RAD50: variants seen among roughly 807,000 people sequenced by gnomAD.
The protein encoded by RAD50 is DNA repair protein RAD50.
Under a neutral mutation model 168.8 loss-of-function variants are expected in RAD50, and 132 were observed. The ratio of observed to expected loss-of-function variants is 0.78; its 90% CI spans 0.68 to 0.90. The LOEUF is 0.90. RAD50 is among the 40% of genes least tolerant of loss of function. The pLI, the probability that RAD50 is intolerant of heterozygous loss-of-function variation, is 0.00. For missense variants in RAD50, 1,347 were observed against 1,534.4 expected (o/e 0.88, Z 2.04); for synonymous variants, 525 against 497.4 (o/e 1.06, Z -0.74).
intron 21 of RAD50, among the ~76,000 whole-genome samples, chr5:132,633,336 C>T (rs1413482284): frequency 6.6e-6 from 1 of 151,870 alleles, no homozygotes; most frequent in Non-Finnish European, 1.5e-5. Flanking sequence ...AACTCCTGAC[C>T]TCAAGTGATC....
chr5:132,578,896 T>C (rs1488662710), intron 3 of RAD50, among the ~76,000 whole-genome samples: 3 of 152,182 alleles, frequency 2.0e-5, no homozygotes, highest in Admixed American at 6.5e-5. Flanking sequence ...TTGCCTCTGC[T>C]CACCAGAGCA....
At chr5:132,586,293 A>G (rs2149840024) in intron 5 of RAD50, among the ~76,000 whole-genome samples, 2 of 152,282 alleles carry the variant, frequency 1.3e-5, no homozygotes, top group Admixed American at 1.3e-4. Flanking sequence ...TTAACTATAC[A>G]ATTTTGTACA....
In RAD50 at chr5:132,643,656, A is replaced by G. The variant is rs993743553; in HGVS notation, c.*1292A>G. 24 of 206,226 alleles carry G rather than the reference A, an allele frequency of 1.2e-4. No homozygotes were observed. The highest frequency in any genetic ancestry group is 2.1e-4 in the Non-Finnish European group (21 of 101,620). 12.8% of individuals were successfully genotyped at this position (206,226 alleles called of 1,614,324 possible). ...CCCGTGACTGTTACTTTATACAGCA[A>G]AGGAAACTTTGCAGATGTGATTAAA... On this transcript the variant is annotated 3_prime_UTR_variant, in exon 25 of 25. Coordinates refer to ENST00000378823, the MANE Select transcript of RAD50 (RefSeq NM_005732.4).
At chr5:132,612,120 G>T (rs1236344880) in intron 19 of RAD50, among the ~76,000 whole-genome samples, 2 of 152,078 alleles carry the variant, frequency 1.3e-5, no homozygotes, top group African/African-American at 4.8e-5. Context: ...CACCCAAATG[G>T]CCATCAACTG....
At chr5:132,586,996 C>T (rs905719745) in intron 5 of RAD50, among the ~76,000 whole-genome samples, 7 of 152,120 alleles carry the variant, frequency 4.6e-5, no homozygotes, top group African/African-American at 1.7e-4. Context: ...GAGAATGCCC[C>T]GAACCAGATC....
chr5:132,640,585 C>T, intron 23 of RAD50, 87 bp from the exon 24 acceptor site: 2 of 1,576,222 alleles, frequency 1.3e-6, no homozygotes, highest in Non-Finnish European at 8.7e-7. Context: ...CCACTTTTCC[C>T]TGCTGAAAAG....
Position 132,580,032 on chromosome 5 carries a change from T to A in RAD50, c.722T>A (p.Val241Asp). Residue 241 changes from valine to aspartate, a missense_variant, in exon 5 of 25, where the codon GTC becomes GAC. Physicochemically the swap from Val to Asp is radical, Grantham distance 152 (BLOSUM62 -3). Around this residue, in one of 3 missense-constraint regions of RAD50, gnomAD observed 703 missense variants for 767.7 expected, o/e 0.92. Coordinates refer to ENST00000378823, the MANE Select transcript of RAD50 (RefSeq NM_005732.4). ...EAQLTSSKEI[V>D]KSYENELDPL... ...CAGTTAACATCTTCAAAGGAAATTGTCAAATCCTATGAGAATGAACTTGAT... is the reference window on the plus strand; with the variant it reads ...CAGTTAACATCTTCAAAGGAAATTGACAAATCCTATGAGAATGAACTTGAT... The A allele has an allele frequency of 6.2e-7, 1 of 1,613,060 alleles. No homozygotes were observed. Among genetic ancestry groups the A allele is most frequent in the East Asian group, 2.2e-5 (1 of 44,802 alleles).
chr5:132,605,050 T>G, intron 16 of RAD50, 51 bp downstream of exon 16: 1 of 1,342,608 alleles, frequency 7.4e-7, no homozygotes, highest in Non-Finnish European at 1.0e-6. Context: ...TTATTTATTT[T>G]TATTTTTATT....
intron 3 of RAD50, among the ~76,000 whole-genome samples, chr5:132,579,110 C>G (rs969892570): frequency 6.6e-6 from 1 of 152,080 alleles, no homozygotes; most frequent in Admixed American, 6.5e-5. Flanking sequence ...CTTTCCTGAA[C>G]TACTTTGTTT....
chr5:132,618,356 C>A, intron 21 of RAD50, 62 bp downstream of exon 21: 1 of 1,587,418 alleles, frequency 6.3e-7, no homozygotes, highest in Non-Finnish European at 8.5e-7. Flanking sequence ...CTTTAGTCAT[C>A]TTTTCTCTCA....
chr5:132,616,086 A>G lies in RAD50; in HGVS notation c.3120A>G (p.Gln1040=), dbSNP rs778106950. The change falls in exon 20 of 25, where the codon CAA becomes CAG. Residue 1040 remains glutamine (Q), a synonymous_variant. Transcript: ENST00000378823. ...AAGAAGTTGAAGAAGAAAGAAAACA[A>G]CATTTGAAGGAAATGGGTCAAATGC... ...ELKEVEEERK[Q]HLKEMGQMQV... is the part of the protein sequence containing the mutation. 1.9e-6 allele frequency: 3 copies of G among 1,613,290 alleles called. No individual in the cohort carries two copies. In the South Asian group the frequency reaches 3.3e-5, roughly 18 times the overall value.
At chr5:132,577,509 CT>C (rs1561635055) in intron 3 of RAD50, among the ~76,000 whole-genome samples, 2 of 152,182 alleles carry the variant, frequency 1.3e-5, no homozygotes, top group Admixed American at 1.3e-4. Flanking sequence ...TAGTTTATTA[CT>C]TTTTATTTGA....
intron 12 of RAD50, 60 bp downstream of exon 12, chr5:132,595,104 G>A (rs1238218991): frequency 6.6e-7 from 1 of 1,522,296 alleles, no homozygotes; most frequent in African/African-American, 1.4e-5. Flanking sequence ...TCATTCACAG[G>A]TAACTGTTAA....
chr5:132,615,043 A>C (rs1751152312), intron 19 of RAD50, among the ~76,000 whole-genome samples: 1 of 152,170 alleles, frequency 6.6e-6, no homozygotes, highest in African/African-American at 2.4e-5. Context: ...GGAGGGTCCC[A>C]GCTCCCTCTT....
intron 19 of RAD50, 120 bp downstream of exon 19, chr5:132,609,516 T>A: frequency 6.8e-7 from 1 of 1,475,826 alleles, no homozygotes; most frequent in Non-Finnish European, 9.1e-7. Flanking sequence ...GCGTGGTGGC[T>A]CACACCTGTA....
rs113700292 is a variant in RAD50 at position 132,636,326 on chromosome 5, T to G, written c.3390-789T>G. ...ATTTCTCCTCTTTGTTTTTAGTGTT[T>G]AGAAACTACTACCTTAAAAGAGAGT... On this transcript the variant is annotated intron_variant, in intron 21 of 24. Transcript: ENST00000378823. 2.1e-3 allele frequency among the ~76,000 whole-genome samples: 326 copies of G among 152,332 alleles called. 3 individuals carry two copies. The highest frequency in any genetic ancestry group is 6.9e-3 in the African/African-American group (288 of 41,586).
At position 132,579,490 on chromosome 5, in the gene RAD50, T is replaced by G. The variant is rs876658158; in HGVS notation, c.539T>G (p.Phe180Cys). 2 of 1,612,782 alleles carry G rather than the reference T, an allele frequency of 1.2e-6. No homozygotes were observed. Among genetic ancestry groups the G allele is most frequent in the African/African-American group, 2.7e-5 (2 of 74,884 alleles). Residue 180 changes from phenylalanine (F) to cysteine (C), a missense_variant, in exon 4 of 25, where the codon TTT (phenylalanine) becomes TGT (cysteine). Physicochemically the swap from Phe to Cys is radical, Grantham distance 205 (BLOSUM62 -2). Transcript: ENST00000378823. ...TTGAAGCAAAAGTTTGATGAGATTT[T>G]TTCAGCAACAAGGTTTGTAACCCTT... ...KALKQKFDEI[F>C]SATRYIKALE... is the part of the protein sequence containing the mutation.
At chr5:132,633,601 G>T (rs943025488) in intron 21 of RAD50, among the ~76,000 whole-genome samples, 1 of 150,260 alleles carries the variant, frequency 6.7e-6, no homozygotes. Context: ...TTTCAGACAG[G>T]GTCTTACTCT....
In RAD50 at chr5:132,641,459, CAGA is replaced by C. The variant is rs139028702; in HGVS notation, c.3752+657_3752+659del. Among the ~76,000 whole-genome samples, 549 of 152,248 alleles carry C rather than the reference CAGA, an allele frequency of 3.6e-3. 1 individual carries two copies. The highest frequency in any genetic ancestry group is 0.012 in the African/African-American group (503 of 41,552). On this transcript the variant is annotated intron_variant, in intron 24 of 24. Transcript: ENST00000378823. ...ACAGTCCCTTTCTGGCAGAGAGGGCCAGAAGGAGAGCTCAGCAGCGCAGGGCCA... is the reference window on the plus strand; with the variant it reads ...ACAGTCCCTTTCTGGCAGAGAGGGCCAGGAGAGCTCAGCAGCGCAGGGCCA...
Sources: gnomAD v4.1 joint callset for allele counts (sites outside exome capture counted in the v4.1 genomes callset) on GRCh38, gnomAD v4.1.1 for gene constraint, gnomAD v4.1.1 regional missense constraint, MANE v1.5 for transcripts, NCBI Gene and HGNC (gene_info 2026-07-23, HGNC 2026-07-21) for gene names.